AGPAT5: variants seen among roughly 807,000 people sequenced by gnomAD.
AGPAT5 encodes 1-acyl-sn-glycerol-3-phosphate acyltransferase epsilon.
AGPAT5 carries 46 observed loss-of-function variants against 45.6 expected under a neutral mutation model. The observed-to-expected ratio is 1.01, with a 90% CI of 0.80 to 1.29. AGPAT5 has a LOEUF of 1.29. AGPAT5 is among the 50% of genes most tolerant of loss of function. The pLI is 0.00. For missense variants in AGPAT5, 673 were observed against 450.7 expected (o/e 1.49, Z -4.47); for synonymous variants, 272 against 167.0 (o/e 1.63, Z -4.85).
chr8:6,738,728 C>G (rs1480668741), intron 4 of AGPAT5, among the ~76,000 whole-genome samples: 1 of 152,150 alleles, frequency 6.6e-6, no homozygotes, highest in Admixed American at 6.5e-5. Flanking sequence ...GCATCTGTTA[C>G]TTACCTTTTC....
At position 6,738,156 on chromosome 8, in the gene AGPAT5, C is replaced by G. The variant is rs375030446; in HGVS notation, c.496-3505C>G. Among the ~76,000 whole-genome samples the G allele has an allele frequency of 4.4e-4, 67 of 152,272 alleles. No homozygotes were observed. In the East Asian group the frequency reaches 6.4e-3, roughly 14 times the overall value. ...AACTTGGCTGTTTAGTGGAAAGGAC[C>G]TAGCTTTTGACCTACCTTGGCTTTC... On this transcript the variant is annotated intron_variant, in intron 4 of 7. Transcript: ENST00000285518.
chr8:6,740,940 T>C (rs922123912), intron 4 of AGPAT5, among the ~76,000 whole-genome samples: 8 of 152,200 alleles, frequency 5.3e-5, no homozygotes, highest in Admixed American at 3.3e-4. Context: ...AGTGTAGTTT[T>C]TGTAACTCAG....
At chr8:6,722,675 G>A (rs767413270) in intron 1 of AGPAT5, among the ~76,000 whole-genome samples, 3 of 152,186 alleles carry the variant, frequency 2.0e-5, no homozygotes, top group Non-Finnish European at 4.4e-5. Flanking sequence ...AAACTGGTCC[G>A]CATCTAATTC....
At chr8:6,732,767 C>G in intron 4 of AGPAT5, 117 bp downstream of exon 4, 2 of 926,088 alleles carry the variant, frequency 2.2e-6, no homozygotes, top group Non-Finnish European at 3.1e-6. Flanking sequence ...ATTACTAATT[C>G]AGGGTTATGC....
chr8:6,720,080 A>G (rs752784468), intron 1 of AGPAT5, among the ~76,000 whole-genome samples: 6 of 152,174 alleles, frequency 3.9e-5, no homozygotes, highest in Non-Finnish European at 7.3e-5. Flanking sequence ...AGTTCTACCT[A>G]TGCTGCATAT....
At chr8:6,723,491 G>T (rs1036421518) in intron 1 of AGPAT5, among the ~76,000 whole-genome samples, 2 of 152,124 alleles carry the variant, frequency 1.3e-5, no homozygotes, top group Non-Finnish European at 2.9e-5. Flanking sequence ...AAAGCACTGG[G>T]ATTGCAGGCA....
At chr8:6,732,816 T>G (rs1349509140) in intron 4 of AGPAT5, among the ~76,000 whole-genome samples, 166 bp downstream of exon 4, 2 of 152,216 alleles carry the variant, frequency 1.3e-5, no homozygotes, top group East Asian at 1.9e-4. Context: ...GTAGGCAGGT[T>G]TTTCAGCCAT....
intron 1 of AGPAT5, among the ~76,000 whole-genome samples, chr8:6,715,984 G>A (rs1027962722): frequency 2.6e-5 from 4 of 152,164 alleles, no homozygotes; most frequent in East Asian, 3.9e-4. Flanking sequence ...TTTTCCATTC[G>A]TTGGTTTCAT....
chr8:6,721,707 T>C (rs1368811228), intron 1 of AGPAT5, among the ~76,000 whole-genome samples: 1 of 152,162 alleles, frequency 6.6e-6, no homozygotes, highest in African/African-American at 2.4e-5. Context: ...TATGTTACAG[T>C]ATAAGGGAGA....
chr8:6,725,397 G>A, intron 2 of AGPAT5, among the ~76,000 whole-genome samples: 1 of 152,182 alleles, frequency 6.6e-6, no homozygotes, highest in East Asian at 1.9e-4. Flanking sequence ...CTTCAAATGG[G>A]TTTGGTTTAA....
At chr8:6,754,909 T>G in intron 6 of AGPAT5, 142 bp from the exon 7 acceptor site, 1 of 631,150 alleles carries the variant, frequency 1.6e-6, no homozygotes, top group South Asian at 3.0e-5. Flanking sequence ...TTTTTTAACT[T>G]TTGTTTATTT....
intron 1 of AGPAT5, among the ~76,000 whole-genome samples, chr8:6,713,162 G>A (rs1237868400): frequency 6.6e-6 from 1 of 152,180 alleles, no homozygotes; most frequent in Non-Finnish European, 1.5e-5. Context: ...TAGAAATGGG[G>A]TCTTTCTGTG....
At chr8:6,752,983 C>T (rs539924501) in intron 6 of AGPAT5, among the ~76,000 whole-genome samples, 2 of 152,132 alleles carry the variant, frequency 1.3e-5, no homozygotes, top group Non-Finnish European at 2.9e-5. Context: ...ACCATGGCTA[C>T]GCTGGGCCTT....
intron 3 of AGPAT5, among the ~76,000 whole-genome samples, chr8:6,731,494 A>G (rs1288056656): frequency 6.6e-6 from 1 of 152,044 alleles, no homozygotes. Flanking sequence ...TGGTTGTTAT[A>G]CTTTATTTTT....
intron 6 of AGPAT5, among the ~76,000 whole-genome samples, chr8:6,748,476 G>C (rs1323285505): frequency 6.6e-6 from 1 of 152,076 alleles, no homozygotes; most frequent in Non-Finnish European, 1.5e-5. Flanking sequence ...GGTTGAGAGA[G>C]AACACTAGGC....
chr8:6,746,547 T>G (rs1286210601), intron 5 of AGPAT5, among the ~76,000 whole-genome samples: 5 of 152,200 alleles, frequency 3.3e-5, no homozygotes, highest in African/African-American at 1.2e-4. Context: ...GTTAACTAGT[T>G]TAACTGACAA....
chr8:6,729,537 A>C (rs1398047460), intron 2 of AGPAT5, among the ~76,000 whole-genome samples: 1 of 152,086 alleles, frequency 6.6e-6, no homozygotes, highest in Non-Finnish European at 1.5e-5. Context: ...TTTCTTTCTC[A>C]TCAGGAGATA....
intron 2 of AGPAT5, among the ~76,000 whole-genome samples, chr8:6,728,967 C>G (rs747252333): frequency 6.6e-6 from 1 of 152,114 alleles, no homozygotes; most frequent in Non-Finnish European, 1.5e-5. Flanking sequence ...CCCAATAACA[C>G]AGGTTGTGTC....
At chr8:6,747,052 C>A (rs140004697) in intron 5 of AGPAT5, among the ~76,000 whole-genome samples, 1 of 152,326 alleles carries the variant, frequency 6.6e-6, no homozygotes, top group Non-Finnish European at 1.5e-5. Flanking sequence ...TCACCTGCAG[C>A]CTTCATATGC....
Sources: gnomAD v4.1 joint callset for allele counts (sites outside exome capture counted in the v4.1 genomes callset) on GRCh38, gnomAD v4.1.1 for gene constraint, MANE v1.5 for transcripts, NCBI Gene and HGNC (gene_info 2026-07-23, HGNC 2026-07-21) for gene names.